The following NIFK variants were observed in gnomAD, a reference collection of about 807,000 sequenced individuals.
The protein encoded by NIFK is nucleolar protein interacting with the FHA domain of MKI67, also known as MKI67 FHA domain-interacting nucleolar phosphoprotein.
Under a neutral mutation model 31.7 loss-of-function variants are expected in NIFK, and 16 were observed. That is an observed-to-expected ratio of 0.50 (90% CI 0.34 to 0.77). The LOEUF is 0.77. NIFK is among the 30% of genes least tolerant of loss of function. The pLI is 0.01. For missense variants in NIFK, 341 were observed against 350.4 expected, an observed-to-expected ratio of 0.97 and a Z score of 0.21; for synonymous variants, 126 against 123.0, an observed-to-expected ratio of 1.02 and a Z score of -0.16.
intron 4 of NIFK, among the ~76,000 whole-genome samples, chr2:121,728,895 A>G (rs1391245184): frequency 6.6e-6 from 1 of 152,190 alleles, no homozygotes; most frequent in Non-Finnish European, 1.5e-5. Flanking sequence ...CCTCTTTTCA[A>G]GTTTCACTGT....
intron 2 of NIFK, among the ~76,000 whole-genome samples, chr2:121,734,804 A>G (rs7575623): frequency 0.014 from 2,094 of 152,268 alleles, 52 homozygotes; most frequent in African/African-American, 0.048. Flanking sequence ...AAAAAAAAGA[A>G]AACTGAATTT....
intron 6 of NIFK, 131 bp from the exon 7 acceptor site, chr2:121,728,043 G>T: frequency 1.2e-6 from 1 of 866,322 alleles, no homozygotes; most frequent in Non-Finnish European, 1.7e-6. Context: ...ATCTTTTGGT[G>T]ATACTATTGC....
In NIFK at chr2:121,728,345, CT is replaced by C; in HGVS notation, c.635del (p.Lys212ArgfsTer41). 2 of 1,603,676 alleles carry C rather than the reference CT, an allele frequency of 1.2e-6. No homozygotes were observed. Among genetic ancestry groups the C allele is most frequent in the South Asian group, 1.1e-5 (1 of 89,936 alleles). ...QTSTKGQVLRKKKKKVSGTLD... is the reference protein window; with the variant it reads ...QTSTKGQVLRXKKKKVSGTLD... Reference sequence around the variant, plus strand: ...GAGTACCTGAAACTTTTTTCTTCTTCTTACGTAAAACCTTAAAATAAATTTT... The same window carrying C: ...GAGTACCTGAAACTTTTTTCTTCTTCTACGTAAAACCTTAAAATAAATTTT... On this transcript the variant is annotated frameshift_variant, in exon 6 of 7. Coordinates refer to ENST00000285814, the MANE Select transcript of NIFK (RefSeq NM_032390.5). LOFTEE classifies it high-confidence loss of function.
In NIFK at chr2:121,727,384, G is replaced by C. The variant is rs529609309; in HGVS notation, c.*340C>G. On this transcript the variant is annotated 3_prime_UTR_variant, in exon 7 of 7. Transcript: ENST00000285814. ...AGATTGGTGGTCTTTAATTGCTGGCGACAGAAAAGGCTGCAGTTTAGTACT... is the reference window on the plus strand; with the variant it reads ...AGATTGGTGGTCTTTAATTGCTGGCCACAGAAAAGGCTGCAGTTTAGTACT... 78 of 494,904 alleles carry C rather than the reference G, an allele frequency of 1.6e-4. 1 individual carries two copies. The highest frequency in any genetic ancestry group is 1.3e-3 in the African/African-American group (67 of 51,284). The allele number at this position is 494,904 out of a possible 1,614,324, so 30.7% of individuals were successfully genotyped here. A position where few individuals can be genotyped will look rare whatever the true frequency, so the allele number is the denominator to read the frequency against.
At chr2:121,731,408 AG>A (rs1398271876) in intron 3 of NIFK, among the ~76,000 whole-genome samples, 1 of 152,194 alleles carries the variant, frequency 6.6e-6, no homozygotes, top group Non-Finnish European at 1.5e-5. Flanking sequence ...TATGGACTGC[AG>A]GGTAGGGGGC....
At chr2:121,728,105 TA>T in intron 6 of NIFK, 182 bp downstream of exon 6, 1 of 688,474 alleles carries the variant, frequency 1.5e-6, no homozygotes, top group Non-Finnish European at 2.4e-6. Context: ...AATTCACAAT[TA>T]ACAAATATAG....
At chr2:121,735,429 AAAAC>A (rs1460822166) in intron 2 of NIFK, among the ~76,000 whole-genome samples, 180 bp downstream of exon 2, 1 of 152,248 alleles carries the variant, frequency 6.6e-6, no homozygotes, top group Non-Finnish European at 1.5e-5. Flanking sequence ...AGAAATGTAA[AAAAC>A]AAACTTTTAC....
chr2:121,735,510 T>C lies in NIFK; in HGVS notation c.243+103A>G. ...ACCTCCTCCACTCTCCTTTTTGGAA[T>C]GAAATCTGATAAGCAATAATGTATG... On this transcript the variant is annotated intron_variant, in intron 2 of 6. Transcript: ENST00000285814. 3 of 1,253,452 alleles carry C rather than the reference T, an allele frequency of 2.4e-6. No individual in the cohort carries two copies. In the South Asian group the frequency reaches 3.7e-5, roughly 16 times the overall value. The allele number at this position is 1,253,452 out of a possible 1,614,324, so 77.6% of individuals were successfully genotyped here. A position where few individuals can be genotyped will look rare whatever the true frequency, so the allele number is the denominator to read the frequency against.
At chr2:121,734,123 C>T (rs1240423069) in intron 2 of NIFK, among the ~76,000 whole-genome samples, 1 of 151,610 alleles carries the variant, frequency 6.6e-6, no homozygotes, top group African/African-American at 2.4e-5. Context: ...AGTAGAAACA[C>T]TGTTTCTACT....
At chr2:121,736,708 C>T (rs777358959) in intron 1 of NIFK, 38 bp downstream of exon 1, 3 of 1,558,238 alleles carry the variant, frequency 1.9e-6, no homozygotes, top group East Asian at 2.2e-5. Context: ...CCCGGTCCAT[C>T]GCCCCCGCTC....
intron 1 of NIFK, among the ~76,000 whole-genome samples, 158 bp downstream of exon 1, chr2:121,736,588 G>C (rs2074582249): frequency 6.6e-6 from 1 of 152,190 alleles, no homozygotes; most frequent in Admixed American, 6.5e-5. Flanking sequence ...TTAAGAGGTC[G>C]GTCCCTGATT....
At chr2:121,730,135 A>G (rs2074527034) in intron 4 of NIFK, among the ~76,000 whole-genome samples, 1 of 152,126 alleles carries the variant, frequency 6.6e-6, no homozygotes, top group African/African-American at 2.4e-5. Flanking sequence ...AATTGCTTGA[A>G]CCTGGGAGGT....
intron 2 of NIFK, among the ~76,000 whole-genome samples, chr2:121,732,824 TATAAA>T (rs2074552529): frequency 6.6e-6 from 1 of 151,874 alleles, no homozygotes; most frequent in South Asian, 2.1e-4. Flanking sequence ...CTACTAAAAA[TATAAA>T]ATATTCACTT....
intron 3 of NIFK, among the ~76,000 whole-genome samples, chr2:121,731,541 T>C (rs990914747): frequency 1.3e-5 from 2 of 152,256 alleles, no homozygotes; most frequent in Admixed American, 6.5e-5. Context: ...TGCAACGCGA[T>C]TCCTGACCTT....
intron 2 of NIFK, among the ~76,000 whole-genome samples, chr2:121,734,633 C>T (rs371473128): frequency 1.3e-5 from 2 of 151,958 alleles, no homozygotes; most frequent in South Asian, 2.1e-4. Flanking sequence ...TCTAGTAAAA[C>T]ACACAAAAAA....
chr2:121,732,272 T>G, intron 2 of NIFK, 68 bp from the exon 3 acceptor site: 1 of 909,924 alleles, frequency 1.1e-6, no homozygotes, highest in Non-Finnish European at 1.8e-6. Flanking sequence ...ATTCCTAAAA[T>G]GCCATTATTT....
chr2:121,728,022 G>T, intron 6 of NIFK, 110 bp from the exon 7 acceptor site: 1 of 1,035,954 alleles, frequency 9.7e-7, no homozygotes. Flanking sequence ...CATTATTTTA[G>T]CTCTGTTACC....
At position 121,730,941 on chromosome 2, in the gene NIFK, G is replaced by A; in HGVS notation, c.516C>T (p.Leu172=). ...TTCCTTTTTTAGCTAATTTCTTCCT[G>A]AGTAATCTTTCTTTCTTTTTAAATC... The part of the protein sequence containing the change: ...EERFKKKERL[L]RKKLAKKGID... The change falls in exon 4 of 7, where the codon CTC becomes CTT. Residue 172 remains leucine (L), a synonymous_variant. Transcript: ENST00000285814. The A allele has an allele frequency of 6.2e-7, 1 of 1,612,860 alleles. No individual in the cohort carries two copies.
chr2:121,727,926 G>T lies in NIFK; in HGVS notation c.694-14C>A. On this transcript the variant is annotated splice_polypyrimidine_tract_variant and intron_variant, in intron 6 of 6. Coordinates refer to ENST00000285814, the MANE Select transcript of NIFK (RefSeq NM_032390.5). Reference sequence around the variant, plus strand: ...TGGTGTGGGGCCCTGGATTCAACAAGTAAAGATTATAATACATAAATGTAA... The same window carrying T: ...TGGTGTGGGGCCCTGGATTCAACAATTAAAGATTATAATACATAAATGTAA... 6.4e-7 allele frequency: 1 copy of T among 1,573,576 alleles called. No homozygotes were observed. The highest frequency in any genetic ancestry group is 1.7e-4 in the Middle Eastern group (1 of 5,860).
Sources: gnomAD v4.1 joint callset for allele counts (sites outside exome capture counted in the v4.1 genomes callset) on GRCh38, gnomAD v4.1.1 for gene constraint, MANE v1.5 for transcripts, NCBI Gene and HGNC (gene_info 2026-07-23, HGNC 2026-07-21) for gene names.